SMAD4: variants seen among roughly 807,000 people sequenced by gnomAD.
The protein encoded by SMAD4 is SMAD family member 4.
In SMAD4, 7 loss-of-function variants were observed where a neutral mutation model predicts 63.2. The ratio of observed to expected loss-of-function variants is 0.11; its 90% CI spans 0.06 to 0.21. The LOEUF is 0.21. Among genes scored for constraint, SMAD4 ranks in the 10% least tolerant of loss-of-function variants. The pLI, the probability that SMAD4 is intolerant of heterozygous loss-of-function variation, is 1.00. For synonymous variants in SMAD4, 215 were observed against 235.4 expected, an observed-to-expected ratio of 0.91 and a Z score of 0.79; for missense variants, 312 against 693.8, an observed-to-expected ratio of 0.45 and a Z score of 6.18.
chr18:51,051,505 T>G (rs186026397), intron 4 of SMAD4: 3 of 424,008 alleles, frequency 7.1e-6, no homozygotes, highest in Non-Finnish European at 1.4e-5. Context: ...TTACCTTTCA[T>G]GAAACTTTCT....
chr18:51,062,485 T>C (rs567553229), intron 8 of SMAD4, among the ~76,000 whole-genome samples: 101 of 152,198 alleles, frequency 6.6e-4, no homozygotes, highest in Middle Eastern at 6.8e-3. Context: ...TTTTGCTCTT[T>C]TATTTATTTT....
chr18:51,043,553 T>G (rs909927312), intron 1 of SMAD4, among the ~76,000 whole-genome samples: 1 of 152,210 alleles, frequency 6.6e-6, no homozygotes, highest in Non-Finnish European at 1.5e-5. Context: ...CCTGCTAGTA[T>G]TATTTTTTAT....
Position 51,081,471 on chromosome 18 carries a change from A to G in SMAD4, c.*3004A>G. 1 of 231,266 alleles carries G rather than the reference A, an allele frequency of 4.3e-6. No individual in the cohort carries two copies. Among genetic ancestry groups the G allele is most frequent in the East Asian group, 6.1e-5 (1 of 16,310 alleles). 14.3% of individuals were successfully genotyped at this position (231,266 alleles called of 1,614,324 possible). The stretch of plus-strand genomic sequence containing the variant: ...GATAATGACAATAAATCACTGCCAT[A>G]TAACCTTGCTTTTTCCAGAAACATG... On this transcript the variant is annotated 3_prime_UTR_variant, in exon 12 of 12. Coordinates refer to ENST00000342988, the MANE Select transcript of SMAD4 (RefSeq NM_005359.6).
intron 2 of SMAD4, 40 bp from the exon 3 acceptor site, chr18:51,048,646 A>G (rs1909615967): frequency 1.3e-6 from 2 of 1,574,152 alleles, no homozygotes; most frequent in African/African-American, 1.3e-5. Flanking sequence ...AGTGTCTTGC[A>G]TAATGTGACA....
At chr18:51,055,212 A>C (rs1353347745) in intron 5 of SMAD4, among the ~76,000 whole-genome samples, 3 of 152,222 alleles carry the variant, frequency 2.0e-5, no homozygotes, top group Non-Finnish European at 1.5e-5. Flanking sequence ...TCTGATTTAT[A>C]CTTTACTATT....
intron 10 of SMAD4, among the ~76,000 whole-genome samples, chr18:51,072,372 C>T (rs1910340451): frequency 6.6e-6 from 1 of 152,134 alleles, no homozygotes; most frequent in Admixed American, 6.5e-5. Flanking sequence ...TTTTTGAACA[C>T]ATTTATTTTA....
At chr18:51,073,993 A>G (rs1010445213) in intron 10 of SMAD4, among the ~76,000 whole-genome samples, 1 of 152,130 alleles carries the variant, frequency 6.6e-6, no homozygotes, top group African/African-American at 2.4e-5. Context: ...ATATTTGCAA[A>G]AGACACATCT....
At chr18:51,056,602 A>C (rs944299800) in intron 5 of SMAD4, among the ~76,000 whole-genome samples, 6 of 141,260 alleles carry the variant, frequency 4.2e-5, no homozygotes, top group African/African-American at 1.6e-4. Context: ...CCTGGGCGAC[A>C]CAGCGAGACT....
intron 4 of SMAD4, chr18:51,054,336 T>G (rs1909784229): frequency 5.1e-6 from 1 of 194,898 alleles, no homozygotes; most frequent in Non-Finnish European, 1.1e-5. Context: ...CACTCATATC[T>G]CCACAGTGTG....
chr18:51,075,092 T>A (rs1412830250), intron 10 of SMAD4, among the ~76,000 whole-genome samples: 3 of 152,226 alleles, frequency 2.0e-5, no homozygotes, highest in Non-Finnish European at 4.4e-5. Context: ...CATGTCTGTT[T>A]AAAGAATAGG....
intron 1 of SMAD4, among the ~76,000 whole-genome samples, chr18:51,042,317 C>T (rs1285564943): frequency 7.6e-6 from 1 of 131,420 alleles, no homozygotes; most frequent in East Asian, 2.5e-4. Context: ...CCCTCCCTCC[C>T]TCCCTCCCTC....
intron 10 of SMAD4, among the ~76,000 whole-genome samples, chr18:51,067,655 C>T (rs533323945): frequency 4.3e-4 from 65 of 152,162 alleles, no homozygotes; most frequent in African/African-American, 1.4e-3. Context: ...TAAAGTGATC[C>T]GCCCAACTTG....
chr18:51,064,518 G>C (rs1910099004), intron 8 of SMAD4, among the ~76,000 whole-genome samples: 2 of 152,198 alleles, frequency 1.3e-5, no homozygotes, highest in African/African-American at 4.8e-5. Context: ...TAGATACTCT[G>C]TAGATATCTG....
intron 8 of SMAD4, among the ~76,000 whole-genome samples, chr18:51,062,921 G>A (rs7504192): frequency 0.33 from 46,002 of 138,982 alleles, 8,017 homozygotes; most frequent in East Asian, 0.41. Context: ...GCAGTGGCGC[G>A]ACTTGGCTCA....
At position 51,082,218 on chromosome 18, in the gene SMAD4, A is replaced by T. The variant is rs1910627328; in HGVS notation, c.*3751A>T. On this transcript the variant is annotated 3_prime_UTR_variant, in exon 12 of 12. Coordinates refer to ENST00000342988, the MANE Select transcript of SMAD4 (RefSeq NM_005359.6). Reference sequence around the variant, plus strand: ...GGGTACACTCAGCTTAAAGTAATGCATTTTTTTTTCCCGTAAAGGCAGAAT... The same window carrying T: ...GGGTACACTCAGCTTAAAGTAATGCTTTTTTTTTTCCCGTAAAGGCAGAAT... 1 of 226,954 alleles carries T rather than the reference A, an allele frequency of 4.4e-6. No individual in the cohort carries two copies. Among genetic ancestry groups the T allele is most frequent in the Non-Finnish European group, 8.7e-6 (1 of 114,452 alleles). 14.1% of individuals were successfully genotyped at this position (226,954 alleles called of 1,614,324 possible). A position where few individuals can be genotyped will look rare whatever the true frequency, so the allele number is the denominator to read the frequency against.
intron 4 of SMAD4, among the ~76,000 whole-genome samples, chr18:51,050,264 CA>C (rs1909668334): frequency 6.6e-6 from 1 of 151,630 alleles, no homozygotes; most frequent in African/African-American, 2.4e-5. Flanking sequence ...GAGGCTGAGG[CA>C]GGAGAATCGC....
At chr18:51,059,230 A>G (rs1413086025) in intron 7 of SMAD4, among the ~76,000 whole-genome samples, 2 of 152,266 alleles carry the variant, frequency 1.3e-5, no homozygotes, top group East Asian at 3.9e-4. Context: ...ATTTCTTAAG[A>G]GAATGTAATT....
At chr18:51,073,457 A>C (rs1455891220) in intron 10 of SMAD4, among the ~76,000 whole-genome samples, 3 of 146,716 alleles carry the variant, frequency 2.0e-5, no homozygotes. Context: ...GTGATGATTA[A>C]AAAAAAGTAG....
intron 10 of SMAD4, among the ~76,000 whole-genome samples, chr18:51,072,581 G>A (rs747651478): frequency 6.6e-6 from 1 of 152,090 alleles, no homozygotes; most frequent in East Asian, 1.9e-4. Flanking sequence ...GTTAATTTAA[G>A]ATTATATAGT....
Sources: allele counts gnomAD v4.1 joint callset (sites outside exome capture counted in the v4.1 genomes callset), GRCh38; gene constraint gnomAD v4.1.1; transcripts MANE v1.5; gene names NCBI Gene and HGNC (gene_info 2026-07-23, HGNC 2026-07-21).